BCAS3: variants seen among roughly 807,000 people sequenced by gnomAD.
BCAS3 encodes BCAS4/BCAS3 fusion.
In BCAS3, 53 loss-of-function variants were observed where a neutral mutation model predicts 116.1. The ratio of observed to expected loss-of-function variants is 0.46; its 90% CI spans 0.37 to 0.57. The LOEUF is 0.57. Ranked by LOEUF, BCAS3 falls within the 20% of genes least tolerant of loss-of-function variation. The pLI, the probability that BCAS3 is intolerant of heterozygous loss-of-function variation, is 0.00. For synonymous variants in BCAS3, 391 were observed against 408.2 expected (o/e 0.96, Z 0.51); for missense variants, 917 against 1,165.4 (o/e 0.79, Z 3.10).
At chr17:60,778,537 A>G (rs1387239510) in intron 6 of BCAS3, among the ~76,000 whole-genome samples, 1 of 152,234 alleles carries the variant, frequency 6.6e-6, no homozygotes, top group Non-Finnish European at 1.5e-5. Flanking sequence ...GTGGAAATCC[A>G]TGCACACATT....
intron 13 of BCAS3, 82 bp from the exon 14 acceptor site, chr17:60,947,137 A>T (rs1241167231): frequency 6.6e-6 from 9 of 1,369,584 alleles, no homozygotes; most frequent in Non-Finnish European, 9.0e-6. Context: ...GTAATATTTT[A>T]AATATTGTGA....
At chr17:60,975,252 C>T (rs1260191160) in intron 14 of BCAS3, among the ~76,000 whole-genome samples, 4 of 152,142 alleles carry the variant, frequency 2.6e-5, no homozygotes, top group African/African-American at 4.8e-5. Context: ...CCACCCGCCT[C>T]GGCCTCCCAA....
intron 22 of BCAS3, among the ~76,000 whole-genome samples, chr17:61,340,710 A>G (rs2057085731): frequency 6.6e-6 from 1 of 152,126 alleles, no homozygotes; most frequent in African/African-American, 2.4e-5. Flanking sequence ...AGGGATGCAG[A>G]AGCTGAGAGT....
intron 7 of BCAS3, among the ~76,000 whole-genome samples, chr17:60,866,165 G>A (rs1236378494): frequency 6.7e-6 from 1 of 148,866 alleles, no homozygotes; most frequent in Admixed American, 6.7e-5. Flanking sequence ...GAGTTTCACT[G>A]TTGTTGCCTA....
At chr17:60,917,353 C>T (rs1939088747) in intron 12 of BCAS3, among the ~76,000 whole-genome samples, 1 of 152,190 alleles carries the variant, frequency 6.6e-6, no homozygotes, top group African/African-American at 2.4e-5. Flanking sequence ...CAGCATTCTA[C>T]TTTCTGTGTT....
At chr17:61,197,447 T>G (rs781523597) in intron 22 of BCAS3, among the ~76,000 whole-genome samples, 1 of 152,200 alleles carries the variant, frequency 6.6e-6, no homozygotes, top group Non-Finnish European at 1.5e-5. Flanking sequence ...TTGCCAACAT[T>G]GAGGCATTGT....
At chr17:60,806,834 T>C (rs1225778019) in intron 6 of BCAS3, among the ~76,000 whole-genome samples, 1 of 152,204 alleles carries the variant, frequency 6.6e-6, no homozygotes, top group South Asian at 2.1e-4. Flanking sequence ...GAGCACCTTT[T>C]CATATGATTC....
At chr17:60,777,789 G>A (rs73316741) in intron 6 of BCAS3, among the ~76,000 whole-genome samples, 6,636 of 151,956 alleles carry the variant, frequency 0.044, 536 homozygotes, top group African/African-American at 0.15. Context: ...GGGCCCCCTC[G>A]GAAGTCATTA....
intron 6 of BCAS3, among the ~76,000 whole-genome samples, chr17:60,754,709 A>T (rs1158292927): frequency 8.5e-5 from 3 of 35,226 alleles, no homozygotes; most frequent in East Asian, 7.1e-3. Context: ...ACACACACAC[A>T]CACACACACA....
At chr17:60,921,612 CAAA>C (rs755864096) in intron 12 of BCAS3, among the ~76,000 whole-genome samples, 1 of 33,330 alleles carries the variant, frequency 3.0e-5, no homozygotes, top group Admixed American at 2.7e-4. Context: ...GACTCCGTCT[CAAA>C]AAAAAAAAAA....
chr17:60,922,200 C>G (rs967245368), intron 12 of BCAS3, among the ~76,000 whole-genome samples: 2 of 152,012 alleles, frequency 1.3e-5, no homozygotes, highest in African/African-American at 4.8e-5. Flanking sequence ...GATCTCAGCT[C>G]ACTGCAACCT....
intron 7 of BCAS3, among the ~76,000 whole-genome samples, chr17:60,865,632 C>T (rs1467028632): frequency 6.6e-6 from 1 of 152,084 alleles, no homozygotes; most frequent in African/African-American, 2.4e-5. Context: ...TGGTAAAGTT[C>T]TAGTAGCTTT....
chr17:60,746,899 T>G (rs1598426971), intron 5 of BCAS3, among the ~76,000 whole-genome samples: 2 of 152,326 alleles, frequency 1.3e-5, no homozygotes, highest in South Asian at 4.1e-4. Context: ...AAGAAGGCAG[T>G]TGTGCAGGAA....
intron 6 of BCAS3, among the ~76,000 whole-genome samples, chr17:60,806,796 G>A (rs2048325070): frequency 6.6e-6 from 1 of 152,118 alleles, no homozygotes; most frequent in Non-Finnish European, 1.5e-5. Flanking sequence ...CTCCCAAAGT[G>A]TTGAGAGTAC....
intron 7 of BCAS3, among the ~76,000 whole-genome samples, chr17:60,817,855 ATTTT>A (rs199501753): frequency 1.4e-5 from 2 of 143,340 alleles, no homozygotes; most frequent in Non-Finnish European, 3.1e-5. Context: ...AAGCAAAATA[ATTTT>A]TTTTTTTTTT....
In BCAS3 at chr17:61,181,067, TA is replaced by T. The variant is rs1013272409; in HGVS notation, c.2425+96512del. ...AACCTGTCTCTGCAAAAAATTAAAA[TA>T]AAAAAAAATTAGCCCAGAATGGTGG... On this transcript the variant is annotated intron_variant, in intron 22 of 23. Coordinates refer to ENST00000407086, the MANE Select transcript of BCAS3 (RefSeq NM_017679.5). The surrounding 1 kb of genome is among the most constrained non-coding windows in gnomAD (Gnocchi z 5.0). 1.3e-5 allele frequency among the ~76,000 whole-genome samples: 2 copies of T among 150,960 alleles called. No individual in the cohort carries two copies. The highest frequency in any genetic ancestry group is 2.4e-5 in the African/African-American group (1 of 41,062).
At chr17:60,796,274 C>G (rs564953618) in intron 6 of BCAS3, among the ~76,000 whole-genome samples, 22 of 152,250 alleles carry the variant, frequency 1.4e-4, no homozygotes, top group Admixed American at 9.2e-4. Flanking sequence ...CCTCCTTTCT[C>G]TATCTTGTGG....
Position 61,363,843 on chromosome 17 carries a change from G to C in BCAS3, c.2426-4484G>C, listed in dbSNP as rs1434905082. ...CAGCTCATCTGATGGAGTGTCCCTG[G>C]GCTGGTCAGATGAATGATAGCTGTG... On this transcript the variant is annotated intron_variant, in intron 22 of 23. Transcript: ENST00000407086. The surrounding 1 kb of genome is among the most constrained non-coding windows in gnomAD (Gnocchi z 4.9). Among the ~76,000 whole-genome samples the C allele has an allele frequency of 1.3e-5, 2 of 152,132 alleles. No homozygotes were observed. The highest frequency in any genetic ancestry group is 1.3e-4 in the Admixed American group (2 of 15,276).
intron 7 of BCAS3, among the ~76,000 whole-genome samples, chr17:60,828,884 A>G (rs1248831022): frequency 6.6e-6 from 1 of 152,192 alleles, no homozygotes; most frequent in Non-Finnish European, 1.5e-5. Context: ...CCCAAGGGAT[A>G]TTTGGCAGTG....
Sources: gnomAD v4.1 joint callset for allele counts (sites outside exome capture counted in the v4.1 genomes callset) on GRCh38, gnomAD v4.1.1 for gene constraint, Gnocchi (gnomAD v3.1) non-coding constraint, MANE v1.5 for transcripts, NCBI Gene and HGNC (gene_info 2026-07-23, HGNC 2026-07-21) for gene names.